TANC1: variants seen among roughly 807,000 people sequenced by gnomAD.
TANC1 encodes protein TANC1.
In TANC1, 77 loss-of-function variants were observed where a neutral mutation model predicts 149.7. The observed-to-expected ratio is 0.51, with a 90% CI of 0.43 to 0.62. The LOEUF (loss-of-function observed/expected upper bound fraction) is 0.62, where lower values mean the gene tolerates loss of function less well. Among genes scored for constraint, TANC1 ranks in the 20% least tolerant of loss-of-function variants. TANC1 has a pLI of 0.00. For synonymous variants in TANC1, 854 were observed against 925.0 expected (o/e 0.92, Z 1.39); for missense variants, 1,985 against 2,321.8 (o/e 0.85, Z 2.98).
chr2:158,990,601 G>A (rs900377775), intron 1 of TANC1, among the ~76,000 whole-genome samples: 6 of 152,216 alleles, frequency 3.9e-5, no homozygotes, highest in African/African-American at 1.4e-4. Flanking sequence ...AGCAAGCAAG[G>A]TGGGATGGGT....
chr2:159,075,584 A>G (rs921665587), intron 3 of TANC1, among the ~76,000 whole-genome samples: 2 of 152,138 alleles, frequency 1.3e-5, no homozygotes, highest in Non-Finnish European at 2.9e-5. Flanking sequence ...GTCTCCACAA[A>G]AAAAAGAAAA....
At chr2:159,192,795 G>A (rs1160886196) in intron 16 of TANC1, among the ~76,000 whole-genome samples, 1 of 152,062 alleles carries the variant, frequency 6.6e-6, no homozygotes, top group Non-Finnish European at 1.5e-5. Context: ...GATTACAGGC[G>A]TGCGCCACCA....
chr2:159,031,234 C>T (rs191781212), intron 2 of TANC1, among the ~76,000 whole-genome samples: 127 of 152,334 alleles, frequency 8.3e-4, no homozygotes, highest in Middle Eastern at 3.4e-3. Flanking sequence ...CTATTTAAAT[C>T]TCTATCTTAG....
Position 159,097,741 on chromosome 2 carries a change from T to A in TANC1, c.166T>A (p.Leu56Met). Reference protein sequence around the residue: ...PTAEDTYRVSLAKGVSMSLPS... With the variant: ...PTAEDTYRVSMAKGVSMSLPS... ...AGCAGAGGACACCTATAGGGTGAGC[T>A]TGGCCAAAGGTGTCTCGATGTCTCT... The change falls in exon 4 of 27, where the codon TTG (leucine) becomes ATG (methionine). Residue 56 changes from leucine (L) to methionine (M), a missense_variant. By Grantham distance (15) the Leu-to-Met change is conservative (BLOSUM62 2). Transcript: ENST00000263635. 2 of 1,614,140 alleles carry A rather than the reference T, an allele frequency of 1.2e-6. No homozygotes were observed. The highest frequency in any genetic ancestry group is 1.1e-5 in the South Asian group (1 of 91,086).
intron 19 of TANC1, among the ~76,000 whole-genome samples, chr2:159,213,705 G>T (rs2059152086): frequency 6.6e-6 from 1 of 152,162 alleles, no homozygotes; most frequent in African/African-American, 2.4e-5. Flanking sequence ...GTTAAGAACG[G>T]CTCTTCCTGT....
intron 10 of TANC1, among the ~76,000 whole-genome samples, chr2:159,171,871 A>AAAGAAG (rs1553599448): frequency 9.5e-6 from 1 of 105,598 alleles, no homozygotes; most frequent in Non-Finnish European, 2.0e-5. Flanking sequence ...AAAAAAAAAA[A>AAAGAAG]AAAAGAAAAA....
chr2:159,097,726 A>G lies in TANC1; in HGVS notation c.151A>G (p.Thr51Ala). The change falls in exon 4 of 27, where the codon ACC becomes GCC. Residue 51 changes from threonine to alanine, a missense_variant. Thr to Ala is a moderately conservative substitution (Grantham distance 58). Transcript: ENST00000263635. ...PVSSLPTAED[T>A]YRVSLAKGVS... ...GAGCAGTCTTCCCACAGCAGAGGACACCTATAGGGTGAGCTTGGCCAAAGG... is the reference window on the plus strand; with the variant it reads ...GAGCAGTCTTCCCACAGCAGAGGACGCCTATAGGGTGAGCTTGGCCAAAGG... 1 of 1,614,040 alleles carries G rather than the reference A, an allele frequency of 6.2e-7. No homozygotes were observed. The highest frequency in any genetic ancestry group is 1.1e-5 in the South Asian group (1 of 91,066).
chr2:159,016,654 A>G (rs1240738787), intron 2 of TANC1, among the ~76,000 whole-genome samples: 1 of 149,960 alleles, frequency 6.7e-6, no homozygotes. Flanking sequence ...GGCTCACTGC[A>G]TGCTCTGCCT....
intron 5 of TANC1, among the ~76,000 whole-genome samples, chr2:159,139,570 G>A (rs1217805299): frequency 6.6e-6 from 1 of 152,174 alleles, no homozygotes; most frequent in Non-Finnish European, 1.5e-5. Flanking sequence ...TTTGATTTAG[G>A]GGTAACCATA....
At chr2:159,052,145 G>T (rs1228092378) in intron 2 of TANC1, among the ~76,000 whole-genome samples, 3 of 152,124 alleles carry the variant, frequency 2.0e-5, no homozygotes, top group African/African-American at 4.8e-5. Flanking sequence ...CAAAAAGAGT[G>T]AGGAGAGCAC....
chr2:159,221,170 C>A (rs1329879877), intron 22 of TANC1, among the ~76,000 whole-genome samples: 1 of 152,034 alleles, frequency 6.6e-6, no homozygotes, highest in Non-Finnish European at 1.5e-5. Context: ...AACTTGAGGT[C>A]AGGAGTTCGA....
intron 22 of TANC1, among the ~76,000 whole-genome samples, chr2:159,220,971 T>TC (rs1198793726): frequency 6.6e-6 from 1 of 152,248 alleles, no homozygotes; most frequent in African/African-American, 2.4e-5. Context: ...AATGATCAAA[T>TC]CAGGCTAATT....
intron 2 of TANC1, among the ~76,000 whole-genome samples, chr2:159,013,061 C>A (rs778182592): frequency 3.3e-5 from 5 of 152,154 alleles, no homozygotes; most frequent in Non-Finnish European, 7.3e-5. Flanking sequence ...TGACTCTCTT[C>A]CAAGAAAAAT....
At chr2:159,009,908 G>C (rs756446523) in intron 2 of TANC1, among the ~76,000 whole-genome samples, 2 of 151,990 alleles carry the variant, frequency 1.3e-5, no homozygotes, top group South Asian at 4.2e-4. Context: ...AAAAATCTGT[G>C]TACCTAGTAC....
rs964696230 is a variant in TANC1, at chr2:159,207,561, G to A, written c.3244+8508G>A. Among the ~76,000 whole-genome samples the A allele has an allele frequency of 1.1e-4, 16 of 151,892 alleles. No individual in the cohort carries two copies. The South Asian group carries it at 1.2e-3, about 12-fold the overall frequency. On this transcript the variant is annotated intron_variant, in intron 19 of 26. Transcript: ENST00000263635. ...CTAAAAATACAAAAACTAGCCAGGC[G>A]TGGTGGCGGGTACCTGTAATCTCAG... is the stretch of plus-strand genomic sequence containing the variant.
At chr2:159,157,034 G>A (rs993315055) in intron 7 of TANC1, among the ~76,000 whole-genome samples, 4 of 152,220 alleles carry the variant, frequency 2.6e-5, no homozygotes, top group South Asian at 2.1e-4. Context: ...TAGAAATTTC[G>A]TACAGAGATC....
chr2:159,018,024 C>G (rs144160058), intron 2 of TANC1, among the ~76,000 whole-genome samples: 2 of 152,280 alleles, frequency 1.3e-5, no homozygotes, highest in African/African-American at 2.4e-5. Context: ...TGTTATAGAA[C>G]AGGCGTGAAT....
At chr2:159,007,138 GTTTTT>G (rs70994252) in intron 2 of TANC1, among the ~76,000 whole-genome samples, 1 of 69,512 alleles carries the variant, frequency 1.4e-5, no homozygotes, top group Non-Finnish European at 2.6e-5. Flanking sequence ...CTTTAATACT[GTTTTT>G]TTTTTTTTTT....
At chr2:159,126,985 G>A (rs978251773) in intron 4 of TANC1, among the ~76,000 whole-genome samples, 1 of 152,208 alleles carries the variant, frequency 6.6e-6, no homozygotes. Flanking sequence ...CTGGAAGAAA[G>A]CAGAAATGTT....
Sources: allele counts gnomAD v4.1 joint callset (sites outside exome capture counted in the v4.1 genomes callset), GRCh38; gene constraint gnomAD v4.1.1; transcripts MANE v1.5; gene names NCBI Gene and HGNC (gene_info 2026-07-23, HGNC 2026-07-21).